The following PTPRD variants were observed in gnomAD, a reference collection of about 807,000 sequenced individuals.
PTPRD encodes the protein protein tyrosine phosphatase receptor type D, also known as receptor-type tyrosine-protein phosphatase delta.
Under a neutral mutation model 214.5 loss-of-function variants are expected in PTPRD, and 34 were observed. That is an observed-to-expected ratio of 0.16 (90% CI 0.12 to 0.21). The LOEUF is 0.21. PTPRD is among the 10% of genes least tolerant of loss of function. The pLI is 1.00. For synonymous variants in PTPRD, 1,128 were observed against 845.7 expected, an observed-to-expected ratio of 1.33 and a Z score of -5.79; for missense variants, 2,545 against 2,398.7, an observed-to-expected ratio of 1.06 and a Z score of -1.27.
chr9:9,654,878 A>G (rs2096467384), intron 7 of PTPRD, among the ~76,000 whole-genome samples: 1 of 152,148 alleles, frequency 6.6e-6, no homozygotes, highest in African/African-American at 2.4e-5. Context: ...AATTGGTCAT[A>G]GCAATGATAT....
intron 11 of PTPRD, among the ~76,000 whole-genome samples, chr9:8,744,261 G>A (rs919627781): frequency 1.3e-5 from 2 of 152,154 alleles, no homozygotes; most frequent in Non-Finnish European, 2.9e-5. Flanking sequence ...AGAACTGAAA[G>A]TAGATCTATC....
At chr9:9,321,342 G>T (rs538345910) in intron 9 of PTPRD, among the ~76,000 whole-genome samples, 1 of 152,200 alleles carries the variant, frequency 6.6e-6, no homozygotes, top group African/African-American at 2.4e-5. Flanking sequence ...GATCACCTGA[G>T]GTCGGGAGTT....
At chr9:8,901,996 G>A (rs770679067) in intron 11 of PTPRD, among the ~76,000 whole-genome samples, 1 of 152,108 alleles carries the variant, frequency 6.6e-6, no homozygotes, top group Non-Finnish European at 1.5e-5. Context: ...AAAAATAAGG[G>A]ATTCAGATAG....
chr9:8,644,845 A>G (rs1255373214), intron 12 of PTPRD, among the ~76,000 whole-genome samples: 1 of 152,222 alleles, frequency 6.6e-6, no homozygotes, highest in African/African-American at 2.4e-5. Flanking sequence ...TCTCCCTTGA[A>G]GACATGGGAT....
At chr9:9,578,193 G>A (rs1013146101) in intron 7 of PTPRD, among the ~76,000 whole-genome samples, 2 of 151,920 alleles carry the variant, frequency 1.3e-5, no homozygotes, top group African/African-American at 4.8e-5. Context: ...TATAATTCTG[G>A]TATCCTAAAC....
rs951660012 is a variant in PTPRD, at chr9:10,475,978, T to G, written c.-599-134961A>C. 1.3e-5 allele frequency among the ~76,000 whole-genome samples: 2 copies of G among 152,068 alleles called. 1 individual carries two copies. Among genetic ancestry groups the G allele is most frequent in the South Asian group, 4.1e-4 (2 of 4,834 alleles). On this transcript the variant is annotated intron_variant, in intron 2 of 45. Transcript: ENST00000381196. The stretch of plus-strand genomic sequence containing the variant: ...CAATAAACTAGATATTGATAGAAGA[T>G]ATCTCAAAATAATAAAATCTATTTA...
intron 2 of PTPRD, among the ~76,000 whole-genome samples, chr9:10,448,712 G>T (rs1238914836): frequency 2.0e-5 from 3 of 151,940 alleles, no homozygotes; most frequent in Admixed American, 6.5e-5. Context: ...ACTTGGCCAA[G>T]GAGCCAGCCT....
chr9:9,315,857 T>TG (rs1962638984), intron 9 of PTPRD, among the ~76,000 whole-genome samples: 2 of 147,876 alleles, frequency 1.4e-5, no homozygotes, highest in Non-Finnish European at 3.0e-5. Context: ...TTTTTTTTTT[T>TG]GCTACATGTG....
chr9:9,964,115 G>T (rs974607409), intron 4 of PTPRD, among the ~76,000 whole-genome samples: 2 of 104,388 alleles, frequency 1.9e-5, no homozygotes, highest in Non-Finnish European at 4.6e-5. Context: ...GACAGAGAGA[G>T]ACAGATGCCT....
chr9:10,528,873 A>G (rs1406028059), intron 2 of PTPRD, among the ~76,000 whole-genome samples: 1 of 152,198 alleles, frequency 6.6e-6, no homozygotes, highest in Non-Finnish European at 1.5e-5. Context: ...TTTAAAAGAA[A>G]TTAAACATAA....
Position 10,597,280 on chromosome 9 carries a change from CAT to C in PTPRD, c.-600+15116_-600+15117del, listed in dbSNP as rs1467808637. ...TAATTGTTTATCATATGCAAATACA[CAT>C]GTTACTATCTTTATATCCTATAATA... On this transcript the variant is annotated intron_variant, in intron 2 of 45. Transcript: ENST00000381196. Among the ~76,000 whole-genome samples the C allele has an allele frequency of 5.9e-5, 9 of 151,740 alleles. No individual in the cohort carries two copies. In the South Asian group the frequency reaches 8.3e-4, roughly 14 times the overall value.
intron 8 of PTPRD, among the ~76,000 whole-genome samples, chr9:9,508,564 C>T (rs1207237768): frequency 6.6e-6 from 1 of 151,708 alleles, no homozygotes; most frequent in Non-Finnish European, 1.5e-5. Context: ...CATTTCTCCT[C>T]TTACATTTTT....
intron 2 of PTPRD, among the ~76,000 whole-genome samples, chr9:10,467,436 T>TG (rs2099002049): frequency 6.6e-6 from 1 of 152,158 alleles, no homozygotes; most frequent in Non-Finnish European, 1.5e-5. Flanking sequence ...TCCACAAGTC[T>TG]TACTACACAT....
chr9:10,469,588 A>C (rs2099016740), intron 2 of PTPRD, among the ~76,000 whole-genome samples: 1 of 152,170 alleles, frequency 6.6e-6, no homozygotes, highest in African/African-American at 2.4e-5. Flanking sequence ...GCCATTATGA[A>C]AAACAGTATG....
At chr9:8,956,370 T>G (rs2154311890) in intron 11 of PTPRD, among the ~76,000 whole-genome samples, 1 of 152,036 alleles carries the variant, frequency 6.6e-6, no homozygotes, top group African/African-American at 2.4e-5. Flanking sequence ...TATTCATGTT[T>G]AATACACCTG....
intron 9 of PTPRD, among the ~76,000 whole-genome samples, chr9:9,189,942 C>T (rs2099934081): frequency 6.6e-6 from 1 of 152,018 alleles, no homozygotes; most frequent in Admixed American, 6.6e-5. Flanking sequence ...TCACATGTCA[C>T]TTCCATGCAG....
intron 9 of PTPRD, among the ~76,000 whole-genome samples, chr9:9,185,298 C>T (rs768539143): frequency 1.2e-4 from 18 of 152,048 alleles, no homozygotes; most frequent in Non-Finnish European, 2.5e-4. Context: ...CAAGCAATAT[C>T]AAATCTCAGT....
At chr9:8,846,246 T>C (rs959433172) in intron 11 of PTPRD, among the ~76,000 whole-genome samples, 2 of 152,098 alleles carry the variant, frequency 1.3e-5, no homozygotes, top group Admixed American at 6.5e-5. Context: ...CCTAAACAGA[T>C]GGGTTGTAAG....
intron 7 of PTPRD, among the ~76,000 whole-genome samples, chr9:9,610,570 T>C (rs998953722): frequency 1.3e-5 from 2 of 152,124 alleles, no homozygotes; most frequent in African/African-American, 4.8e-5. Context: ...TTGGAATAGA[T>C]GGGGGAAAGT....
Sources: allele counts gnomAD v4.1 joint callset (sites outside exome capture counted in the v4.1 genomes callset), GRCh38; gene constraint gnomAD v4.1.1; transcripts MANE v1.5; gene names NCBI Gene and HGNC (gene_info 2026-07-23, HGNC 2026-07-21).